Variants in PCBP3 observed in about 807,000 individuals in gnomAD.
PCBP3 encodes poly(rC) binding protein 3, also known as poly(rC)-binding protein 3.
In PCBP3, 25 loss-of-function variants were observed where a neutral mutation model predicts 52.7. The observed-to-expected ratio is 0.47, with a 90% CI of 0.35 to 0.66. PCBP3 has a LOEUF of 0.66. PCBP3 is among the 30% of genes least tolerant of loss of function. The pLI is 0.01. For missense variants in PCBP3, 391 were observed against 490.3 expected (o/e 0.80, Z 1.91); for synonymous variants, 162 against 183.0 (o/e 0.89, Z 0.93).
chr21:45,912,718 G>T (rs2096421866), intron 11 of PCBP3, among the ~76,000 whole-genome samples: 1 of 152,202 alleles, frequency 6.6e-6, no homozygotes, highest in African/African-American at 2.4e-5. Flanking sequence ...CCTGGGTGGG[G>T]GTCGAGGGCC....
chr21:45,890,095 G>A (rs1263568138), intron 5 of PCBP3, among the ~76,000 whole-genome samples: 1 of 152,236 alleles, frequency 6.6e-6, no homozygotes, highest in Non-Finnish European at 1.5e-5. Context: ...ACGTGGCCTC[G>A]CAGCTGTCTA....
chr21:45,784,300 C>A (rs1290918550), intron 4 of PCBP3, among the ~76,000 whole-genome samples: 1 of 150,084 alleles, frequency 6.7e-6, no homozygotes, highest in East Asian at 1.9e-4. Flanking sequence ...GTAGAAAATT[C>A]CTGGATGGAC....
chr21:45,908,833 C>A (rs144576991), intron 9 of PCBP3, among the ~76,000 whole-genome samples: 1 of 152,100 alleles, frequency 6.6e-6, no homozygotes, highest in East Asian at 1.9e-4. Flanking sequence ...GCACAGGCCG[C>A]CCCCCACCTC....
chr21:45,660,999 C>T (rs893190606), intron 1 of PCBP3, among the ~76,000 whole-genome samples: 1 of 151,988 alleles, frequency 6.6e-6, no homozygotes, highest in Admixed American at 6.6e-5. Context: ...TGAGATTGCA[C>T]CATTGCACTA....
chr21:45,755,168 C>G (rs186260897), intron 3 of PCBP3, among the ~76,000 whole-genome samples: 2 of 152,274 alleles, frequency 1.3e-5, no homozygotes, highest in African/African-American at 4.8e-5. Context: ...AACTGCAGCT[C>G]TGCCTTTCTC....
At chr21:45,719,048 C>T (rs908306025) in intron 2 of PCBP3, among the ~76,000 whole-genome samples, 13 of 152,068 alleles carry the variant, frequency 8.5e-5, no homozygotes, top group African/African-American at 7.2e-5. Flanking sequence ...ATCTAGAGCC[C>T]AGCTAATGGG....
At chr21:45,841,062 A>G (rs1379419010) in intron 4 of PCBP3, among the ~76,000 whole-genome samples, 2 of 152,216 alleles carry the variant, frequency 1.3e-5, no homozygotes, top group African/African-American at 2.4e-5. Flanking sequence ...CCTAGGAGCA[A>G]TAGGCTATAC....
Position 45,802,641 on chromosome 21 carries a change from G to A in PCBP3, c.-126+47189G>A, listed in dbSNP as rs531835247. Among the ~76,000 whole-genome samples, 2 of 152,268 alleles carry A rather than the reference G, an allele frequency of 1.3e-5. No homozygotes were observed. The highest frequency in any genetic ancestry group is 1.9e-4 in the East Asian group (1 of 5,172). On this transcript the variant is annotated intron_variant, in intron 4 of 17. Coordinates refer to ENST00000681687, the MANE Select transcript of PCBP3 (RefSeq NM_001384156.1). The surrounding 1 kb of genome is among the most constrained non-coding windows in gnomAD (Gnocchi z 5.1). Reference sequence around the variant, plus strand: ...GGGAGGATGGTGGGGCTCTAAGCAGGGCAGGAGGTCAGATTGTGTGTTTGG... The same window carrying A: ...GGGAGGATGGTGGGGCTCTAAGCAGAGCAGGAGGTCAGATTGTGTGTTTGG...
At chr21:45,783,624 G>T (rs1427605175) in intron 4 of PCBP3, among the ~76,000 whole-genome samples, 1 of 152,198 alleles carries the variant, frequency 6.6e-6, no homozygotes, top group African/African-American at 2.4e-5. Context: ...TTTTAACGTT[G>T]CAAGCTTCAC....
intron 14 of PCBP3, 150 bp from the exon 15 acceptor site, chr21:45,930,636 C>T (rs951970656): frequency 1.8e-6 from 1 of 545,166 alleles, no homozygotes; most frequent in African/African-American, 1.9e-5. Flanking sequence ...CTAGGTGTCC[C>T]TCCCCACAGA....
chr21:45,921,026 A>T (rs1325090952), intron 13 of PCBP3, among the ~76,000 whole-genome samples: 2 of 152,204 alleles, frequency 1.3e-5, no homozygotes, highest in East Asian at 3.8e-4. Context: ...TTAATAGAAG[A>T]CTGGAAGCTT....
At chr21:45,721,398 G>A (rs986320834) in intron 2 of PCBP3, among the ~76,000 whole-genome samples, 1 of 119,376 alleles carries the variant, frequency 8.4e-6, no homozygotes, top group Non-Finnish European at 1.7e-5. Flanking sequence ...AGGCGACGGA[G>A]TAAGACTCCA....
intron 2 of PCBP3, among the ~76,000 whole-genome samples, chr21:45,693,024 A>G (rs2147824134): frequency 6.6e-6 from 1 of 152,330 alleles, no homozygotes; most frequent in Admixed American, 6.5e-5. Flanking sequence ...TTAACAATAA[A>G]GGAGAAAAAC....
rs1300118772 is a variant in PCBP3 at position 45,743,747 on chromosome 21, GATAGTGCT to G, written c.-162+8319_-162+8326del. Reference sequence around the variant, plus strand: ...TTATCGTGAGGGTTATGGCTAGGGTGATAGTGCTCTATAAGGTTCTTTTTTTTCTAATT... The same window carrying G: ...TTATCGTGAGGGTTATGGCTAGGGTGCTATAAGGTTCTTTTTTTTCTAATT... On this transcript the variant is annotated intron_variant, in intron 3 of 17. Coordinates refer to ENST00000681687, the MANE Select transcript of PCBP3 (RefSeq NM_001384156.1). 5.3e-5 allele frequency among the ~76,000 whole-genome samples: 8 copies of G among 152,302 alleles called. No individual in the cohort carries two copies. In the East Asian group the frequency reaches 1.5e-3, roughly 29 times the overall value.
intron 5 of PCBP3, among the ~76,000 whole-genome samples, chr21:45,850,706 T>C (rs2093962271): frequency 6.6e-6 from 1 of 152,206 alleles, no homozygotes; most frequent in East Asian, 1.9e-4. Context: ...AAGTTTGAGC[T>C]GTTAGGTATA....
rs752491640 is a variant in PCBP3 at position 45,904,796 on chromosome 21, C to T, written c.339+3683C>T. Among the ~76,000 whole-genome samples, 8 of 152,164 alleles carry T rather than the reference C, an allele frequency of 5.3e-5. No individual in the cohort carries two copies. Among genetic ancestry groups the T allele is most frequent in the East Asian group, 1.9e-4 (1 of 5,194 alleles). Reference sequence around the variant, plus strand: ...GGCCCTTGAGTCGTCGCTCTGGGGCCGTGTCTCACCCTCACACCATGTCAC... The same window carrying T: ...GGCCCTTGAGTCGTCGCTCTGGGGCTGTGTCTCACCCTCACACCATGTCAC... On this transcript the variant is annotated intron_variant, in intron 9 of 17. Coordinates refer to ENST00000681687, the MANE Select transcript of PCBP3 (RefSeq NM_001384156.1). The surrounding 1 kb of genome is among the most constrained non-coding windows in gnomAD (Gnocchi z 4.8).
At chr21:45,789,008 T>A (rs776347983) in intron 4 of PCBP3, among the ~76,000 whole-genome samples, 1 of 152,248 alleles carries the variant, frequency 6.6e-6, no homozygotes, top group African/African-American at 2.4e-5. Context: ...AAATACATGC[T>A]CTGTGCCCTG....
intron 9 of PCBP3, among the ~76,000 whole-genome samples, chr21:45,907,466 G>A (rs2839052): frequency 0.32 from 48,116 of 152,068 alleles, 8,779 homozygotes; most frequent in East Asian, 0.67. Context: ...TCTGTCCCCA[G>A]ATCTCCAGTT....
chr21:45,792,214 G>T (rs1195355126), intron 4 of PCBP3, among the ~76,000 whole-genome samples: 2 of 152,394 alleles, frequency 1.3e-5, no homozygotes, highest in African/African-American at 2.4e-5. Flanking sequence ...ATTTGAAAGT[G>T]GGAGAAACAG....
Sources: gnomAD v4.1 joint callset for allele counts (sites outside exome capture counted in the v4.1 genomes callset) on GRCh38, gnomAD v4.1.1 for gene constraint, Gnocchi (gnomAD v3.1) non-coding constraint, MANE v1.5 for transcripts, NCBI Gene and HGNC (gene_info 2026-07-23, HGNC 2026-07-21) for gene names.